Variants in NELL1 observed in about 807,000 individuals in gnomAD.
NELL1 encodes the protein protein kinase C-binding protein NELL1.
A neutral mutation model predicts 107.4 loss-of-function variants in NELL1; 76 were observed. The ratio of observed to expected loss-of-function variants is 0.71; its 90% CI spans 0.59 to 0.86. The LOEUF is 0.86. Among genes scored for constraint, NELL1 ranks in the 40% least tolerant of loss-of-function variants. NELL1 has a pLI of 0.00. For missense variants in NELL1, 1,024 were observed against 1,005.5 expected (o/e 1.02, Z -0.25); for synonymous variants, 353 against 341.2 (o/e 1.03, Z -0.38).
At position 21,012,690 on chromosome 11, in the gene NELL1, G is replaced by C. The variant is rs79679886; in HGVS notation, c.1300+52130G>C. 1.5e-3 allele frequency among the ~76,000 whole-genome samples: 232 copies of C among 152,212 alleles called. 6 individuals carry two copies. The East Asian group carries it at 0.038, about 25-fold the overall frequency. On this transcript the variant is annotated intron_variant, in intron 12 of 19. Coordinates refer to ENST00000357134, the MANE Select transcript of NELL1 (RefSeq NM_006157.5). The stretch of plus-strand genomic sequence containing the variant: ...GATAGTCTGGTGGGCAGAGAGGTTG[G>C]GAATGGCAAATGCTAATTGGTTGGG...
At chr11:21,367,399 C>T (rs1185963381) in intron 14 of NELL1, among the ~76,000 whole-genome samples, 1 of 151,880 alleles carries the variant, frequency 6.6e-6, no homozygotes, top group Non-Finnish European at 1.5e-5. Context: ...TCTGAGTTTT[C>T]AAAGGAGCTA....
At chr11:21,392,222 G>C (rs948867048) in intron 15 of NELL1, among the ~76,000 whole-genome samples, 1 of 151,772 alleles carries the variant, frequency 6.6e-6, no homozygotes, top group African/African-American at 2.4e-5. Flanking sequence ...AGCCTGGCTG[G>C]GGTAAGGAAA....
intron 12 of NELL1, among the ~76,000 whole-genome samples, chr11:21,009,045 C>A (rs1478979468): frequency 6.6e-6 from 1 of 152,016 alleles, no homozygotes. Context: ...TTATAAACAC[C>A]TTGATGTCCA....
intron 13 of NELL1, among the ~76,000 whole-genome samples, chr11:21,133,877 G>T (rs941153459): frequency 6.6e-6 from 1 of 152,158 alleles, no homozygotes; most frequent in Non-Finnish European, 1.5e-5. Flanking sequence ...GGAGGGTGGG[G>T]CTCCTACCCC....
chr11:21,274,813 G>A (rs148938570), intron 14 of NELL1, among the ~76,000 whole-genome samples: 6,709 of 152,262 alleles, frequency 0.044, 186 homozygotes, highest in Admixed American at 0.072. Context: ...GGTACGTAAC[G>A]AAATGAAGGC....
At position 20,882,926 on chromosome 11, in the gene NELL1, A is replaced by T. The variant is rs1358786536; in HGVS notation, c.507-2518A>T. On this transcript the variant is annotated intron_variant, in intron 4 of 19. Coordinates refer to ENST00000357134, the MANE Select transcript of NELL1 (RefSeq NM_006157.5). ...GACATTTTAAAGACCACAAGCAGTT[A>T]TTTTGTGGACTGTCTTTCAATTGAG... Among the ~76,000 whole-genome samples the T allele has an allele frequency of 2.0e-5, 3 of 152,150 alleles. No individual in the cohort carries two copies. The East Asian group carries it at 5.8e-4, about 29-fold the overall frequency.
chr11:21,564,572 A>G (rs1178969746), intron 17 of NELL1, among the ~76,000 whole-genome samples: 4 of 151,920 alleles, frequency 2.6e-5, no homozygotes, highest in African/African-American at 7.2e-5. Flanking sequence ...TGGGAGGAAG[A>G]GAGCGAACTA....
chr11:21,032,188 G>T (rs1315178337), intron 12 of NELL1, among the ~76,000 whole-genome samples: 1 of 151,592 alleles, frequency 6.6e-6, no homozygotes, highest in East Asian at 1.9e-4. Context: ...ATTGTACTTC[G>T]GCTCCAGTGC....
chr11:20,952,232 C>T (rs1210096861), intron 11 of NELL1, among the ~76,000 whole-genome samples: 1 of 152,134 alleles, frequency 6.6e-6, no homozygotes, highest in African/African-American at 2.4e-5. Context: ...GATTTTGCTG[C>T]ATGTTTATGA....
chr11:21,083,314 G>A (rs183587326), intron 12 of NELL1, among the ~76,000 whole-genome samples: 8 of 152,272 alleles, frequency 5.3e-5, no homozygotes, highest in African/African-American at 1.7e-4. Flanking sequence ...AGGTCAGAGG[G>A]TATAGGGGTG....
chr11:21,124,516 T>G (rs1855445267), intron 13 of NELL1, among the ~76,000 whole-genome samples: 1 of 152,112 alleles, frequency 6.6e-6, no homozygotes, highest in Non-Finnish European at 1.5e-5. Flanking sequence ...AATAGGAATT[T>G]CTTTCTCACA....
intron 15 of NELL1, among the ~76,000 whole-genome samples, chr11:21,457,064 A>AG (rs1853765106): frequency 6.6e-6 from 1 of 152,198 alleles, no homozygotes; most frequent in Admixed American, 6.5e-5. Flanking sequence ...ATGTGTAAAT[A>AG]AATAAATTTA....
chr11:21,560,863 G>A (rs148464371), intron 17 of NELL1, among the ~76,000 whole-genome samples: 1 of 151,164 alleles, frequency 6.6e-6, no homozygotes, highest in East Asian at 2.0e-4. Context: ...TTGAACAAAT[G>A]ATAATGATAG....
intron 3 of NELL1, among the ~76,000 whole-genome samples, chr11:20,787,219 T>G (rs1379793220): frequency 3.3e-5 from 5 of 151,748 alleles, no homozygotes; most frequent in Non-Finnish European, 7.4e-5. Context: ...AGGCAAGGTA[T>G]GAAAGACTGT....
chr11:21,459,202 G>T (rs550295702), intron 15 of NELL1, among the ~76,000 whole-genome samples: 1 of 152,020 alleles, frequency 6.6e-6, no homozygotes, highest in Admixed American at 6.6e-5. Flanking sequence ...GGATGAAAGA[G>T]TTGGTTTAAT....
At chr11:21,330,596 C>T (rs1306007989) in intron 14 of NELL1, among the ~76,000 whole-genome samples, 2 of 152,024 alleles carry the variant, frequency 1.3e-5, no homozygotes, top group Non-Finnish European at 2.9e-5. Context: ...AGTTGTTAAT[C>T]TGCCTGGGAT....
chr11:21,012,588 T>C lies in NELL1; in HGVS notation c.1300+52028T>C, dbSNP rs76412222. Among the ~76,000 whole-genome samples, 1,012 of 152,216 alleles carry C rather than the reference T, an allele frequency of 6.6e-3. 8 individuals carry two copies. The highest frequency in any genetic ancestry group is 0.023 in the African/African-American group (968 of 41,548). The stretch of plus-strand genomic sequence containing the variant: ...GAGAAAGAGTCTAATATACATACAG[T>C]TCGCTAAAAATGAGGCTGGAGTTTT... On this transcript the variant is annotated intron_variant, in intron 12 of 19. Transcript: ENST00000357134.
At chr11:21,370,729 T>C in intron 14 of NELL1, 124 bp from the exon 15 acceptor site, 1 of 643,100 alleles carries the variant, frequency 1.6e-6, no homozygotes, top group Middle Eastern at 3.5e-4. Flanking sequence ...AATTTTTAAA[T>C]GTATCAATAC....
chr11:21,574,028 A>G lies in NELL1; in HGVS notation c.2382+619A>G, dbSNP rs373052091. Among the ~76,000 whole-genome samples the G allele has an allele frequency of 2.0e-5, 3 of 151,988 alleles. No homozygotes were observed. In the East Asian group the frequency reaches 5.9e-4, roughly 30 times the overall value. On this transcript the variant is annotated intron_variant, in intron 19 of 19. Transcript: ENST00000357134. Reference sequence around the variant, plus strand: ...GACATCCTCATGTGTCATTAAGACTAAAAAACTGACCATTCTCTCCCTTCA... The same window carrying G: ...GACATCCTCATGTGTCATTAAGACTGAAAAACTGACCATTCTCTCCCTTCA...
Sources: allele counts gnomAD v4.1 joint callset (sites outside exome capture counted in the v4.1 genomes callset), GRCh38; gene constraint gnomAD v4.1.1; transcripts MANE v1.5; gene names NCBI Gene and HGNC (gene_info 2026-07-23, HGNC 2026-07-21).